The following R3HDM2 variants were observed in gnomAD, a reference collection of about 807,000 sequenced individuals.
R3HDM2 encodes the protein R3H domain-containing protein 2.
A neutral mutation model predicts 124.5 loss-of-function variants in R3HDM2; 38 were observed. That is an observed-to-expected ratio of 0.31 (90% CI 0.24 to 0.40). R3HDM2 has a LOEUF of 0.40. R3HDM2 is among the 10% of genes least tolerant of loss of function. R3HDM2 has a pLI of 1.00. For missense variants in R3HDM2, 869 were observed against 1,236.9 expected (o/e 0.70, Z 4.46); for synonymous variants, 391 against 448.0 (o/e 0.87, Z 1.61).
At chr12:57,358,224 T>C (rs1469449842) in intron 2 of R3HDM2, among the ~76,000 whole-genome samples, 1 of 152,008 alleles carries the variant, frequency 6.6e-6, no homozygotes, top group Admixed American at 6.6e-5. Flanking sequence ...CAATCTCAAG[T>C]GATCCGCCCG....
At position 57,375,428 on chromosome 12, in the gene R3HDM2, G is replaced by C. The variant is rs771325680; in HGVS notation, c.-36+20321C>G. Among the ~76,000 whole-genome samples the C allele has an allele frequency of 9.9e-5, 15 of 152,254 alleles. 1 individual carries two copies. Among genetic ancestry groups the C allele is most frequent in the Middle Eastern group, 3.4e-3 (1 of 294 alleles). ...CCAACATATAATCAGATGAATATCA[G>C]ATGAATATGCTCCTGCCTCACCTAT... On this transcript the variant is annotated intron_variant, in intron 2 of 23. Coordinates refer to ENST00000402412, the MANE Select transcript of R3HDM2 (RefSeq NM_001394031.1).
At chr12:57,342,790 C>G (rs913464116) in intron 2 of R3HDM2, among the ~76,000 whole-genome samples, 2 of 152,192 alleles carry the variant, frequency 1.3e-5, no homozygotes, top group Admixed American at 6.5e-5. Context: ...CTAAAAGCTA[C>G]TGGGCTGGAC....
rs76065046 is a variant in R3HDM2, at chr12:57,286,402, T to C, written c.939-2346A>G. ...TGATGGAGTTTGGTTTACAGGTATT[T>C]GTTTCACAAACATAAACTGGGCCAG... is the stretch of plus-strand genomic sequence containing the variant. On this transcript the variant is annotated intron_variant, in intron 12 of 23. Coordinates refer to ENST00000402412, the MANE Select transcript of R3HDM2 (RefSeq NM_001394031.1). Among the ~76,000 whole-genome samples the C allele has an allele frequency of 2.1e-3, 324 of 152,312 alleles. 9 individuals are homozygous for C. In the East Asian group the frequency reaches 0.05, roughly 23 times the overall value.
intron 2 of R3HDM2, among the ~76,000 whole-genome samples, chr12:57,329,761 G>GA (rs71084743): frequency 3.3e-5 from 5 of 150,606 alleles, no homozygotes; most frequent in Middle Eastern, 3.4e-3. Flanking sequence ...AAAAGAAAAA[G>GA]AAAAAAAAAG....
intron 2 of R3HDM2, among the ~76,000 whole-genome samples, chr12:57,381,154 C>T (rs981436930): frequency 4.6e-5 from 7 of 152,018 alleles, no homozygotes; most frequent in Admixed American, 1.3e-4. Flanking sequence ...TCACTTGAAC[C>T]CGGGAGGCAG....
chr12:57,408,167 A>ATG (rs1356135579), intron 1 of R3HDM2, among the ~76,000 whole-genome samples: 1 of 151,748 alleles, frequency 6.6e-6, no homozygotes, highest in African/African-American at 2.4e-5. Flanking sequence ...CTAACCTCAA[A>ATG]TGATCCTCCC....
intron 2 of R3HDM2, among the ~76,000 whole-genome samples, chr12:57,367,709 T>C (rs2062835724): frequency 6.6e-6 from 1 of 152,206 alleles, no homozygotes; most frequent in Admixed American, 6.5e-5. Context: ...TCTGAAAACA[T>C]TTTTTCATAT....
At chr12:57,388,476 G>C (rs1263994203) in intron 2 of R3HDM2, among the ~76,000 whole-genome samples, 1 of 152,216 alleles carries the variant, frequency 6.6e-6, no homozygotes, top group Non-Finnish European at 1.5e-5. Context: ...GAGACACAAA[G>C]GCTTGCTTGC....
intron 1 of R3HDM2, among the ~76,000 whole-genome samples, chr12:57,398,752 G>C (rs1412351005): frequency 6.6e-6 from 1 of 152,112 alleles, no homozygotes; most frequent in Non-Finnish European, 1.5e-5. Flanking sequence ...GCCTCCCAAA[G>C]TGCTGGGATT....
chr12:57,422,887 A>G (rs2070345128), intron 1 of R3HDM2, among the ~76,000 whole-genome samples: 1 of 152,134 alleles, frequency 6.6e-6, no homozygotes, highest in Non-Finnish European at 1.5e-5. Context: ...GGGAGCCTTG[A>G]GCCCAGGAGG....
At chr12:57,320,814 A>G (rs1478853544) in intron 2 of R3HDM2, among the ~76,000 whole-genome samples, 1 of 152,168 alleles carries the variant, frequency 6.6e-6, no homozygotes, top group Admixed American at 6.6e-5. Context: ...GCCAAAAGGA[A>G]TATGTTAGAT....
At chr12:57,305,046 G>A (rs763094534) in intron 3 of R3HDM2, among the ~76,000 whole-genome samples, 4 of 152,098 alleles carry the variant, frequency 2.6e-5, no homozygotes, top group South Asian at 4.1e-4. Context: ...TTAGCCAGGC[G>A]TGGTGGTGGG....
chr12:57,295,852 G>A (rs2049696135), intron 9 of R3HDM2, among the ~76,000 whole-genome samples: 1 of 152,048 alleles, frequency 6.6e-6, no homozygotes, highest in Admixed American at 6.6e-5. Context: ...CCCCTTCCCT[G>A]CAAAATACTT....
Position 57,255,999 on chromosome 12 carries a change from C to T in R3HDM2, c.2623G>A (p.Ala875Thr). 1 of 1,612,736 alleles carries T rather than the reference C, an allele frequency of 6.2e-7. No homozygotes were observed. Among genetic ancestry groups the T allele is most frequent in the Non-Finnish European group, 8.5e-7 (1 of 1,179,284 alleles). ...GCATCCCGTGACTCACCAACATCTG[C>T]TGTCCCCAGGTCAGTGGAGGCAGAT... ...LKSASTDLGT[A>T]DVVLGRVLEV... The change falls in exon 23 of 24, where the codon GCA (alanine) becomes ACA (threonine). Residue 875 changes from alanine (A) to threonine (T), a missense_variant. Ala to Thr is a moderately conservative substitution (Grantham distance 58). Around this residue, in one of 2 missense-constraint regions of R3HDM2, gnomAD observed 602 missense variants for 789.2 expected, o/e 0.76. Transcript: ENST00000402412.
chr12:57,350,529 G>A (rs2060575301), intron 2 of R3HDM2, among the ~76,000 whole-genome samples: 2 of 152,164 alleles, frequency 1.3e-5, no homozygotes, highest in Non-Finnish European at 2.9e-5. Context: ...AGCTACTTGG[G>A]AGGCTGAGAC....
chr12:57,388,713 A>G (rs551397025), intron 2 of R3HDM2, among the ~76,000 whole-genome samples: 9 of 152,226 alleles, frequency 5.9e-5, no homozygotes, highest in African/African-American at 2.2e-4. Flanking sequence ...CTCTTTTTGC[A>G]TTCCCTTGGT....
intron 2 of R3HDM2, among the ~76,000 whole-genome samples, chr12:57,362,405 T>C (rs7963998): frequency 0.97 from 148,300 of 152,356 alleles, 72,309 homozygotes; most frequent in Middle Eastern, 1. Flanking sequence ...GAATATGGTA[T>C]ACAATACATA....
At chr12:57,426,896 T>G (rs1265863457) in intron 1 of R3HDM2, among the ~76,000 whole-genome samples, 1 of 151,562 alleles carries the variant, frequency 6.6e-6, no homozygotes, top group Admixed American at 6.6e-5. Flanking sequence ...ATGGAAAGAG[T>G]TCAAGGAAAA....
chr12:57,326,840 C>A (rs1044114548), intron 2 of R3HDM2, among the ~76,000 whole-genome samples: 5 of 152,092 alleles, frequency 3.3e-5, no homozygotes. Flanking sequence ...ATTAATTTAC[C>A]ATTCTGAAAA....
Sources: allele counts gnomAD v4.1 joint callset (sites outside exome capture counted in the v4.1 genomes callset), GRCh38; gene constraint gnomAD v4.1.1; regional missense constraint gnomAD v4.1.1; transcripts MANE v1.5; gene names NCBI Gene and HGNC (gene_info 2026-07-23, HGNC 2026-07-21).